PALM2AKAP2: variants seen among roughly 807,000 people sequenced by gnomAD.
The protein encoded by PALM2AKAP2 is PALM2 and AKAP2 fusion.
In PALM2AKAP2, 37 loss-of-function variants were observed where a neutral mutation model predicts 71.5. The ratio of observed to expected loss-of-function variants is 0.52; its 90% confidence interval spans 0.40 to 0.68. PALM2AKAP2 has a LOEUF of 0.68. PALM2AKAP2 is among the 30% of genes least tolerant of loss of function. The pLI is 0.00. For missense variants in PALM2AKAP2, 1,224 were observed against 1,191.8 expected (o/e 1.03, Z -0.40); for synonymous variants, 468 against 478.8 (o/e 0.98, Z 0.29).
At chr9:110,024,198 T>C (rs1418373606) in intron 7 of PALM2AKAP2, among the ~76,000 whole-genome samples, 2 of 152,118 alleles carry the variant, frequency 1.3e-5, no homozygotes, top group African/African-American at 2.4e-5. Flanking sequence ...CATCACACAA[T>C]CCAGTTTTAG....
At chr9:110,108,739 C>T (rs1835173035) in intron 1 of PALM2AKAP2, among the ~76,000 whole-genome samples, 1 of 152,072 alleles carries the variant, frequency 6.6e-6, no homozygotes, top group Non-Finnish European at 1.5e-5. Flanking sequence ...ATAATTAATG[C>T]CACTGCATTG....
intron 6 of PALM2AKAP2, among the ~76,000 whole-genome samples, chr9:109,932,412 A>G (rs1346327059): frequency 6.6e-6 from 1 of 152,154 alleles, no homozygotes; most frequent in Non-Finnish European, 1.5e-5. Context: ...GATGGGAAAT[A>G]TTTTCAAAGC....
At chr9:110,149,266 A>T (rs892948807) in intron 2 of PALM2AKAP2, among the ~76,000 whole-genome samples, 1 of 152,232 alleles carries the variant, frequency 6.6e-6, no homozygotes, top group African/African-American at 2.4e-5. Flanking sequence ...GCAATGCTAC[A>T]GTCTTGTGAG....
intron 1 of PALM2AKAP2, among the ~76,000 whole-genome samples, chr9:109,765,881 T>C (rs116286049): frequency 5.6e-4 from 85 of 152,300 alleles, no homozygotes; most frequent in African/African-American, 2.0e-3. Context: ...GAGCCTGAGA[T>C]GCAATGCACA....
At chr9:110,107,965 T>C (rs1380195597) in intron 1 of PALM2AKAP2, among the ~76,000 whole-genome samples, 1 of 152,196 alleles carries the variant, frequency 6.6e-6, no homozygotes, top group Non-Finnish European at 1.5e-5. Flanking sequence ...GCTTGAGTTT[T>C]ACAAGTGAAA....
Position 109,766,432 on chromosome 9 carries a change from G to A in PALM2AKAP2, c.6-14056G>A, listed in dbSNP as rs76079599. On this transcript the variant is annotated intron_variant, in intron 1 of 6. Transcript: ENST00000374531. ...AAATGGGAATGACTGACAGGCATAGGCTATTAATTCTCAAAGGTTGGCTCT... is the reference window on the plus strand; with the variant it reads ...AAATGGGAATGACTGACAGGCATAGACTATTAATTCTCAAAGGTTGGCTCT... Among the ~76,000 whole-genome samples, 635 of 152,306 alleles carry A rather than the reference G, an allele frequency of 4.2e-3. 3 individuals are homozygous for A. Among genetic ancestry groups the A allele is most frequent in the African/African-American group, 0.014 (602 of 41,560 alleles).
At chr9:109,716,778 C>T (rs536404255) in intron 1 of PALM2AKAP2, among the ~76,000 whole-genome samples, 4 of 152,288 alleles carry the variant, frequency 2.6e-5, no homozygotes, top group South Asian at 2.1e-4. Flanking sequence ...CTGTGAAAGT[C>T]GGAGGTTGAG....
intron 6 of PALM2AKAP2, among the ~76,000 whole-genome samples, chr9:109,959,576 C>T (rs1447587360): frequency 1.4e-5 from 2 of 146,528 alleles, no homozygotes; most frequent in African/African-American, 2.5e-5. Context: ...ACCCGGGAGG[C>T]GGAACTTGCA....
intron 1 of PALM2AKAP2, among the ~76,000 whole-genome samples, chr9:109,728,194 C>A (rs1421860893): frequency 6.6e-6 from 1 of 152,148 alleles, no homozygotes; most frequent in Non-Finnish European, 1.5e-5. Flanking sequence ...AATGGACAGT[C>A]CTTATTGTTA....
At chr9:109,756,614 G>A (rs1327788) in intron 1 of PALM2AKAP2, among the ~76,000 whole-genome samples, 44,706 of 151,968 alleles carry the variant, frequency 0.29, 6,711 homozygotes, top group Middle Eastern at 0.4. Context: ...TTTATGCTTA[G>A]CTCTCTAATC....
rs763432908 is a variant in PALM2AKAP2 at position 110,136,171 on chromosome 9, G to A, written c.201G>A (p.Glu67=). ...AGGATGATATCTGGCTAAAAAGCGA[G>A]GGAGACAACTATAGTGCCACCCTCC... Residue 67 remains glutamate (E), a synonymous_variant, in exon 2 of 4, where the codon GAG becomes GAA. Transcript: ENST00000374525. 7 of 1,605,128 alleles carry A rather than the reference G, an allele frequency of 4.4e-6. No homozygotes were observed. In the South Asian group the frequency reaches 7.8e-5, roughly 18 times the overall value.
intron 1 of PALM2AKAP2, among the ~76,000 whole-genome samples, chr9:110,119,460 AT>A (rs1835439104): frequency 6.6e-6 from 1 of 151,980 alleles, no homozygotes; most frequent in Non-Finnish European, 1.5e-5. Context: ...TGTATAGATC[AT>A]TTTCTACGTG....
chr9:109,734,829 C>T (rs1013634143), intron 1 of PALM2AKAP2, among the ~76,000 whole-genome samples: 8 of 152,142 alleles, frequency 5.3e-5, no homozygotes, highest in Non-Finnish European at 1.0e-4. Flanking sequence ...ATTTGCAGCA[C>T]ACGGAAAGAG....
intron 5 of PALM2AKAP2, 67 bp from the exon 6 acceptor site, chr9:109,931,860 C>A: frequency 6.4e-7 from 1 of 1,551,030 alleles, no homozygotes; most frequent in Non-Finnish European, 8.8e-7. Flanking sequence ...AAGCTGCTGT[C>A]TCGGCAGTGA....
intron 1 of PALM2AKAP2, among the ~76,000 whole-genome samples, chr9:109,794,057 C>T (rs1430416204): frequency 6.6e-6 from 1 of 152,160 alleles, no homozygotes; most frequent in African/African-American, 2.4e-5. Flanking sequence ...GCTCCAGGAG[C>T]CTTTTATCTA....
chr9:109,919,594 G>A (rs544333152), intron 3 of PALM2AKAP2, among the ~76,000 whole-genome samples: 32 of 151,560 alleles, frequency 2.1e-4, no homozygotes, highest in South Asian at 4.2e-4. Flanking sequence ...CTTTCTAATC[G>A]TTTAGCTTTG....
At chr9:110,164,796 G>A (rs1034211312) in intron 3 of PALM2AKAP2, among the ~76,000 whole-genome samples, 2 of 152,144 alleles carry the variant, frequency 1.3e-5, no homozygotes, top group Non-Finnish European at 2.9e-5. Flanking sequence ...CTCCCAAACT[G>A]CTGGGATTAC....
intron 5 of PALM2AKAP2, among the ~76,000 whole-genome samples, chr9:109,930,078 T>G (rs1831059192): frequency 6.6e-6 from 1 of 152,038 alleles, no homozygotes; most frequent in African/African-American, 2.4e-5. Flanking sequence ...AGGGGTGCCT[T>G]CAACCATGTC....
intron 2 of PALM2AKAP2, among the ~76,000 whole-genome samples, chr9:109,870,548 A>G (rs1408426776): frequency 3.9e-5 from 6 of 152,208 alleles, no homozygotes; most frequent in Non-Finnish European, 7.3e-5. Context: ...AATAATGACC[A>G]CAAGACAGTT....
Sources: allele counts gnomAD v4.1 joint callset (sites outside exome capture counted in the v4.1 genomes callset), GRCh38; gene constraint gnomAD v4.1.1; transcripts MANE v1.5; gene names NCBI Gene and HGNC (gene_info 2026-07-23, HGNC 2026-07-21).